Variants in WRAP53 observed in about 807,000 individuals in gnomAD.
The protein encoded by WRAP53 is WD repeat containing antisense to TP53, also known as telomerase Cajal body protein 1.
WRAP53 carries 28 observed loss-of-function variants against 56.6 expected under a neutral mutation model. The observed-to-expected ratio is 0.50, with a 90% CI of 0.37 to 0.68. The LOEUF (loss-of-function observed/expected upper bound fraction) is 0.68, where lower values mean the gene tolerates loss of function less well. Among genes scored for constraint, WRAP53 ranks in the 30% least tolerant of loss-of-function variants. WRAP53 has a pLI of 0.00. For synonymous variants in WRAP53, 283 were observed against 283.4 expected (o/e 1.00, Z 0.01); for missense variants, 671 against 715.5 (o/e 0.94, Z 0.71).
intron 4 of WRAP53, among the ~76,000 whole-genome samples, chr17:7,695,514 C>T (rs929674731): frequency 1.3e-5 from 2 of 152,180 alleles, no homozygotes; most frequent in African/African-American, 4.8e-5. Flanking sequence ...TTTGCATCCT[C>T]TGTACCCTTT....
intron 4 of WRAP53, among the ~76,000 whole-genome samples, chr17:7,700,141 T>C (rs2074255229): frequency 6.6e-6 from 1 of 151,944 alleles, no homozygotes; most frequent in Admixed American, 6.6e-5. Context: ...CTTTGTCTCC[T>C]GGGTTCAAGG....
Position 7,688,872 on chromosome 17 carries a change from T to G in WRAP53, c.224T>G (p.Leu75Arg), listed in dbSNP as rs753919854. 4 of 1,614,138 alleles carry G rather than the reference T, an allele frequency of 2.5e-6. No homozygotes were observed. Among genetic ancestry groups the G allele is most frequent in the Admixed American group, 3.3e-5 (2 of 60,008 alleles). ...CTACGGGAGGGGGACCCAGTTTCTC[T>G]CTCCACTCCCCTGGAAACAGAGTTT... is the stretch of plus-strand genomic sequence containing the variant. ...QELREGDPVS[L>R]STPLETEFGS... The change falls in exon 2 of 11, where the codon CTC becomes CGC. Residue 75 changes from leucine (L) to arginine (R), a missense_variant. Around this residue, in one of 3 missense-constraint regions of WRAP53, gnomAD observed 406 missense variants for 418.5 expected, o/e 0.97. Coordinates refer to ENST00000396463, the MANE Select transcript of WRAP53 (RefSeq NM_001143992.2).
upstream of WRAP53, chr17:7,686,686 G>C (rs957712775): frequency 2.0e-5 from 3 of 152,302 alleles, no homozygotes; most frequent in African/African-American, 7.2e-5. Flanking sequence ...AGGCAGAAAT[G>C]TAAATGTGGA....
chr17:7,696,360 G>A (rs560924160), intron 4 of WRAP53, among the ~76,000 whole-genome samples: 6 of 145,172 alleles, frequency 4.1e-5, no homozygotes, highest in Admixed American at 1.4e-4. Flanking sequence ...GTGCAGTGGC[G>A]CGATCTGGGT....
Position 7,701,749 on chromosome 17 carries a change from G to A in WRAP53, c.915G>A (p.Thr305=), listed in dbSNP as rs200147473. The A allele has an allele frequency of 3.8e-5, 62 of 1,613,958 alleles. No homozygotes were observed. The highest frequency in any genetic ancestry group is 4.7e-5 in the Non-Finnish European group (56 of 1,180,008). ...ACCGGACTGTGCGTGTTTTTTCCAC[G>A]GCCCGGCCTGGCCGAGACTGCGAGG... ...GFNRTVRVFS[T]ARPGRDCEVR... The change falls in exon 7 of 11, where the codon ACG becomes ACA. Residue 305 remains threonine (T), a synonymous_variant. Coordinates refer to ENST00000396463, the MANE Select transcript of WRAP53 (RefSeq NM_001143992.2). This position sits in a 1 kb window ranked among gnomAD's most constrained non-coding sequence, Gnocchi z 4.2.
rs373124631 is a variant in WRAP53, at chr17:7,702,930, G to A, written c.1269-63G>A. The stretch of plus-strand genomic sequence containing the variant: ...CCAGCTGTAGGGTCCCAGTCCCTGG[G>A]TGTGAGGGGTTCCTGCCCCAGGGGT... On this transcript the variant is annotated intron_variant, in intron 9 of 10. Transcript: ENST00000396463. This position sits in a 1 kb window ranked among gnomAD's most constrained non-coding sequence, Gnocchi z 5.0. 1.9e-6 allele frequency: 3 copies of A among 1,612,798 alleles called. No individual in the cohort carries two copies. The South Asian group carries it at 3.3e-5, about 18-fold the overall frequency.
chr17:7,695,297 G>A (rs1311708592), intron 4 of WRAP53, among the ~76,000 whole-genome samples: 1 of 152,120 alleles, frequency 6.6e-6, no homozygotes, highest in African/African-American at 2.4e-5. Flanking sequence ...TTGGGGAAGG[G>A]TGTATTTGGG....
upstream of WRAP53, chr17:7,688,463 G>A: frequency 1.5e-6 from 1 of 649,976 alleles, no homozygotes; most frequent in Non-Finnish European, 2.6e-6. Context: ...GCGACCCGCG[G>A]TGCTAAGGAA....
chr17:7,701,850 C>A lies in WRAP53; in HGVS notation c.955+61C>A, dbSNP rs776958207. On this transcript the variant is annotated intron_variant, in intron 7 of 10. Transcript: ENST00000396463. The surrounding 1 kb of genome is among the most constrained non-coding windows in gnomAD (Gnocchi z 4.2). ...AAGGGCACTGCCACCTGCACAGGGG[C>A]CTTTTGTGAGCCGGGGGCCACCTGT... 7.0e-6 allele frequency: 11 copies of A among 1,581,376 alleles called. No individual in the cohort carries two copies. The highest frequency in any genetic ancestry group is 2.7e-5 in the African/African-American group (2 of 74,184).
chr17:7,700,810 G>T lies in WRAP53; in HGVS notation c.712G>T (p.Ala238Ser). Residue 238 changes from alanine (A) to serine (S), a missense_variant, in exon 5 of 11, where the codon GCC (alanine) becomes TCC (serine). By Grantham distance (99) the Ala-to-Ser change is moderately conservative (BLOSUM62 1). This residue lies in a region of WRAP53 where 406 missense variants were observed against 418.5 expected (regional missense o/e 0.97). Transcript: ENST00000396463. ...DYCWYSLMSS[A>S]QPDTSYVASS... ...CTGCTGGTATTCTCTGATGTCCTCA[G>T]CCCAGCCAGACACCTCCTAGTAAGT... 1.2e-6 allele frequency: 2 copies of T among 1,612,880 alleles called. No individual in the cohort carries two copies. Among genetic ancestry groups the T allele is most frequent in the Non-Finnish European group, 1.7e-6 (2 of 1,179,116 alleles).
intron 4 of WRAP53, among the ~76,000 whole-genome samples, chr17:7,696,478 T>G (rs2074187443): frequency 6.6e-6 from 1 of 151,918 alleles, no homozygotes; most frequent in South Asian, 2.1e-4. Flanking sequence ...TTTTGTGTTT[T>G]TAGTAGACAC....
upstream of WRAP53, chr17:7,687,241 C>A: frequency 2.5e-6 from 1 of 398,092 alleles, no homozygotes. Flanking sequence ...AGCCAAGCTT[C>A]CATCCCACTC....
At chr17:7,700,475 C>G (rs2074258757) in intron 4 of WRAP53, among the ~76,000 whole-genome samples, 1 of 149,912 alleles carries the variant, frequency 6.7e-6, no homozygotes, top group Non-Finnish European at 1.5e-5. Context: ...TGGTGAAACC[C>G]TGTCTCTATT....
At position 7,701,893 on chromosome 17, in the gene WRAP53, T is replaced by C. The variant is rs1372289051; in HGVS notation, c.955+104T>C. 3 of 1,523,158 alleles carry C rather than the reference T, an allele frequency of 2.0e-6. No homozygotes were observed. The highest frequency in any genetic ancestry group is 2.7e-5 in the African/African-American group (2 of 72,788). The allele number at this position is 1,523,158 out of a possible 1,614,324, so 94.4% of individuals were successfully genotyped here. A position where few individuals can be genotyped will look rare whatever the true frequency, so the allele number is the denominator to read the frequency against. ...CCACCTGTGGGGGTTCACGCCGTCC[T>C]CTGTACGGCCCCGGGAGCAGGTGCA... On this transcript the variant is annotated intron_variant, in intron 7 of 10. Coordinates refer to ENST00000396463, the MANE Select transcript of WRAP53 (RefSeq NM_001143992.2). This position sits in a 1 kb window ranked among gnomAD's most constrained non-coding sequence, Gnocchi z 4.2.
At chr17:7,689,472 T>A in intron 3 of WRAP53, 118 bp from the exon 4 acceptor site, 1 of 1,259,776 alleles carries the variant, frequency 7.9e-7, no homozygotes, top group Non-Finnish European at 1.1e-6. Flanking sequence ...GCAGTTTGTG[T>A]CTTCTACTTC....
In WRAP53 at chr17:7,701,866, G is replaced by T. The variant is rs766017748; in HGVS notation, c.955+77G>T. 7.1e-6 allele frequency: 11 copies of T among 1,559,992 alleles called. No homozygotes were observed. In the South Asian group the frequency reaches 1.3e-4, roughly 18 times the overall value. The stretch of plus-strand genomic sequence containing the variant: ...GCACAGGGGCCTTTTGTGAGCCGGG[G>T]GCCACCTGTGGGGGTTCACGCCGTC... On this transcript the variant is annotated intron_variant, in intron 7 of 10. Transcript: ENST00000396463. The surrounding 1 kb of genome is among the most constrained non-coding windows in gnomAD (Gnocchi z 4.2).
rs760828940 is a variant in WRAP53 at position 7,688,864 on chromosome 17, A to C, written c.216A>C (p.Pro72=). The part of the protein sequence containing the change: ...AVSQELREGD[P]VSLSTPLETE... ...CCCAGGAGCTACGGGAGGGGGACCC[A>C]GTTTCTCTCTCCACTCCCCTGGAAA... Residue 72 remains proline (P), a synonymous_variant, in exon 2 of 11, where the codon CCA becomes CCC. Coordinates refer to ENST00000396463, the MANE Select transcript of WRAP53 (RefSeq NM_001143992.2). 3 of 1,614,170 alleles carry C rather than the reference A, an allele frequency of 1.9e-6. No homozygotes were observed. The highest frequency in any genetic ancestry group is 2.5e-6 in the Non-Finnish European group (3 of 1,180,030).
At chr17:7,696,428 A>G (rs1415843670) in intron 4 of WRAP53, among the ~76,000 whole-genome samples, 8 of 149,994 alleles carry the variant, frequency 5.3e-5, no homozygotes, top group Non-Finnish European at 1.2e-4. Context: ...CCTCCCGAGT[A>G]GCTGGGACTA....
At chr17:7,691,541 C>G (rs2074109930) in intron 4 of WRAP53, among the ~76,000 whole-genome samples, 1 of 151,740 alleles carries the variant, frequency 6.6e-6, no homozygotes, top group African/African-American at 2.4e-5. Context: ...AGGCACCCGC[C>G]ACCATGCCCA....
Sources: allele counts gnomAD v4.1 joint callset (sites outside exome capture counted in the v4.1 genomes callset), GRCh38; gene constraint gnomAD v4.1.1; regional missense constraint gnomAD v4.1.1; non-coding constraint Gnocchi (gnomAD v3.1); transcripts MANE v1.5; gene names NCBI Gene and HGNC (gene_info 2026-07-23, HGNC 2026-07-21).